FRMD4A: variants seen among roughly 807,000 people sequenced by gnomAD.
The protein encoded by FRMD4A is FERM domain containing 4A.
FRMD4A carries 29 observed loss-of-function variants against 129.1 expected under a neutral mutation model. That is an observed-to-expected ratio of 0.22 (90% CI 0.17 to 0.31). The LOEUF (loss-of-function observed/expected upper bound fraction) is 0.31, where lower values mean the gene tolerates loss of function less well. Among genes scored for constraint, FRMD4A ranks in the 10% least tolerant of loss-of-function variants. FRMD4A has a pLI of 1.00. For synonymous variants in FRMD4A, 634 were observed against 571.6 expected (o/e 1.11, Z -1.56); for missense variants, 1,272 against 1,375.8 (o/e 0.92, Z 1.19).
At chr10:13,929,195 C>G (rs1300411513) in intron 2 of FRMD4A, among the ~76,000 whole-genome samples, 1 of 152,136 alleles carries the variant, frequency 6.6e-6, no homozygotes, top group Non-Finnish European at 1.5e-5. Context: ...TGTAAATTTT[C>G]CATAATCATA....
intron 2 of FRMD4A, among the ~76,000 whole-genome samples, chr10:13,995,057 G>A (rs4750448): frequency 0.29 from 43,363 of 151,972 alleles, 7,327 homozygotes; most frequent in East Asian, 0.73. Context: ...AACCTAGCCA[G>A]TTTCTGACCA....
At chr10:14,182,318 T>C (rs778364479) in intron 2 of FRMD4A, among the ~76,000 whole-genome samples, 1 of 152,148 alleles carries the variant, frequency 6.6e-6, no homozygotes, top group Non-Finnish European at 1.5e-5. Flanking sequence ...GGCAATGAAA[T>C]TGCTTGGGGC....
chr10:13,915,330 C>T (rs2094988775), intron 2 of FRMD4A, among the ~76,000 whole-genome samples: 1 of 151,738 alleles, frequency 6.6e-6, no homozygotes, highest in African/African-American at 2.4e-5. Flanking sequence ...GTGTTAAGTG[C>T]TGGTGCATGG....
intron 2 of FRMD4A, among the ~76,000 whole-genome samples, chr10:14,304,830 G>A (rs1846293797): frequency 6.6e-6 from 1 of 152,260 alleles, no homozygotes; most frequent in Non-Finnish European, 1.5e-5. Context: ...CACCAGTGGT[G>A]ATGGGAAGAT....
intron 2 of FRMD4A, among the ~76,000 whole-genome samples, chr10:14,210,887 C>T (rs112544013): frequency 9.2e-5 from 14 of 152,134 alleles, no homozygotes; most frequent in African/African-American, 3.4e-4. Context: ...GCCACCATGT[C>T]CTGCTAACTT....
chr10:14,210,918 G>A (rs1320219676), intron 2 of FRMD4A, among the ~76,000 whole-genome samples: 1 of 152,056 alleles, frequency 6.6e-6, no homozygotes, highest in Non-Finnish European at 1.5e-5. Context: ...TAGTAGAGAT[G>A]GTGTTTCACC....
At chr10:14,166,548 C>T (rs1841187307) in intron 2 of FRMD4A, among the ~76,000 whole-genome samples, 1 of 152,164 alleles carries the variant, frequency 6.6e-6, no homozygotes, top group African/African-American at 2.4e-5. Flanking sequence ...ATCTAAAGTT[C>T]CAAATGGAAG....
intron 2 of FRMD4A, among the ~76,000 whole-genome samples, chr10:14,185,654 T>C (rs565488101): frequency 6.6e-6 from 1 of 152,306 alleles, no homozygotes; most frequent in African/African-American, 2.4e-5. Flanking sequence ...CAGGGGCGGT[T>C]GTTAGCTGTG....
intron 8 of FRMD4A, among the ~76,000 whole-genome samples, chr10:13,750,034 A>T (rs1588548566): frequency 6.7e-6 from 1 of 148,564 alleles, no homozygotes; most frequent in East Asian, 2.0e-4. Flanking sequence ...AGAGAGAAAG[A>T]GAGGGAAAGG....
chr10:13,741,169 G>C (rs570021364), intron 9 of FRMD4A, among the ~76,000 whole-genome samples: 1 of 152,248 alleles, frequency 6.6e-6, no homozygotes, highest in South Asian at 2.1e-4. Context: ...TGGAGCCCAG[G>C]CCGGGTGCAG....
At chr10:13,758,665 T>G (rs1199724658) in intron 8 of FRMD4A, among the ~76,000 whole-genome samples, 1 of 152,182 alleles carries the variant, frequency 6.6e-6, no homozygotes, top group African/African-American at 2.4e-5. Context: ...GGGAGCCTGT[T>G]GGCAGGACCC....
intron 9 of FRMD4A, among the ~76,000 whole-genome samples, chr10:13,746,357 C>T (rs369467571): frequency 4.6e-5 from 7 of 152,072 alleles, no homozygotes; most frequent in East Asian, 1.9e-4. Context: ...ACACCAGGCG[C>T]GCGACATCAT....
At chr10:14,035,448 A>C (rs1833455099) in intron 2 of FRMD4A, among the ~76,000 whole-genome samples, 1 of 150,992 alleles carries the variant, frequency 6.6e-6, no homozygotes, top group Non-Finnish European at 1.5e-5. Context: ...AAAAAGAAGA[A>C]AAAAATGAAA....
intron 2 of FRMD4A, among the ~76,000 whole-genome samples, chr10:14,320,815 A>C (rs965091242): frequency 2.0e-5 from 3 of 152,228 alleles, no homozygotes; most frequent in South Asian, 4.1e-4. Flanking sequence ...AGAAGAGTGC[A>C]TGAAGCTGGA....
intron 5 of FRMD4A, among the ~76,000 whole-genome samples, chr10:13,793,427 C>A (rs1156517248): frequency 1.3e-5 from 2 of 152,162 alleles, no homozygotes; most frequent in Admixed American, 6.6e-5. Flanking sequence ...CCACCTTGCC[C>A]TCCGAAAGTA....
chr10:14,266,248 G>A (rs542264024), intron 2 of FRMD4A, among the ~76,000 whole-genome samples: 86 of 152,166 alleles, frequency 5.7e-4, no homozygotes, highest in African/African-American at 2.0e-3. Context: ...TAGTGCCCCC[G>A]AATTGTGACA....
intron 6 of FRMD4A, among the ~76,000 whole-genome samples, chr10:13,771,919 G>GAAACA (rs546267349): frequency 6.8e-6 from 1 of 147,394 alleles, no homozygotes; most frequent in South Asian, 2.7e-4. Context: ...GTTTCACTTT[G>GAAACA]AAACAAAACC....
chr10:13,915,875 T>A (rs1245575685), intron 2 of FRMD4A, among the ~76,000 whole-genome samples: 3 of 152,112 alleles, frequency 2.0e-5, no homozygotes, highest in African/African-American at 4.8e-5. Flanking sequence ...CCTCCTGACC[T>A]CTGAGGTCCC....
intron 2 of FRMD4A, among the ~76,000 whole-genome samples, chr10:14,088,369 C>A (rs56361532): frequency 0.027 from 4,047 of 150,358 alleles, 86 homozygotes; most frequent in Non-Finnish European, 0.04. Context: ...ACTGCCTGAG[C>A]GTGGGCGGCC....
Sources: allele counts gnomAD v4.1 joint callset (sites outside exome capture counted in the v4.1 genomes callset), GRCh38; gene constraint gnomAD v4.1.1; transcripts MANE v1.5; gene names NCBI Gene and HGNC (gene_info 2026-07-23, HGNC 2026-07-21).